TANGO6: variants seen among roughly 807,000 people sequenced by gnomAD.
The protein encoded by TANGO6 is transport and Golgi organization protein 6 homolog.
In TANGO6, 90 loss-of-function variants were observed where a neutral mutation model predicts 114.2. That is an observed-to-expected ratio of 0.79 (90% CI 0.66 to 0.94). TANGO6 has a LOEUF of 0.94. TANGO6 is among the 40% of genes least tolerant of loss of function. TANGO6 has a pLI of 0.00. For synonymous variants in TANGO6, 477 were observed against 509.8 expected, an observed-to-expected ratio of 0.94 and a Z score of 0.87; for missense variants, 1,274 against 1,315.3, an observed-to-expected ratio of 0.97 and a Z score of 0.49.
chr16:69,037,089 T>C (rs573156451), intron 16 of TANGO6, among the ~76,000 whole-genome samples: 19 of 144,532 alleles, frequency 1.3e-4, no homozygotes, highest in African/African-American at 4.7e-4. Flanking sequence ...TGAGCTGAGA[T>C]CGTGCTACTG....
In TANGO6 at chr16:68,864,234, T is replaced by C. The variant is rs140171562; in HGVS notation, c.852+1173T>C. 4.7e-3 allele frequency among the ~76,000 whole-genome samples: 708 copies of C among 151,832 alleles called. 5 individuals are homozygous for C. The highest frequency in any genetic ancestry group is 0.017 in the South Asian group (80 of 4,802). ...TTGATGATATAGATGGAATTGTCTG[T>C]TTGCTTTTAGTACCTACATTTTCGT... is the stretch of plus-strand genomic sequence containing the variant. On this transcript the variant is annotated intron_variant, in intron 3 of 17. Coordinates refer to ENST00000261778, the MANE Select transcript of TANGO6 (RefSeq NM_024562.2).
Position 68,856,378 on chromosome 16 carries a change from A to T in TANGO6, c.95-3506A>T, listed in dbSNP as rs555356206. On this transcript the variant is annotated intron_variant, in intron 1 of 17. Coordinates refer to ENST00000261778, the MANE Select transcript of TANGO6 (RefSeq NM_024562.2). ...GGGTTTTCTCCTTATACTGTTAATA[A>T]GATGAATCACACTGATTGAGTGTCA... Among the ~76,000 whole-genome samples, 32 of 152,380 alleles carry T rather than the reference A, an allele frequency of 2.1e-4. 1 individual carries two copies. The South Asian group carries it at 6.2e-3, about 30-fold the overall frequency.
intron 7 of TANGO6, among the ~76,000 whole-genome samples, chr16:68,895,340 C>G (rs1962690600): frequency 6.6e-6 from 1 of 152,102 alleles, no homozygotes; most frequent in Admixed American, 6.6e-5. Context: ...CAGAGCAAGA[C>G]TTTGTCTCAA....
At chr16:68,853,646 C>T (rs1216173443) in intron 1 of TANGO6, among the ~76,000 whole-genome samples, 3 of 152,024 alleles carry the variant, frequency 2.0e-5, no homozygotes, top group Non-Finnish European at 4.4e-5. Context: ...ATTAATTTTT[C>T]TTGGACAAGT....
intron 7 of TANGO6, among the ~76,000 whole-genome samples, chr16:68,891,125 C>T (rs547749676): frequency 1.3e-5 from 2 of 151,182 alleles, no homozygotes; most frequent in Non-Finnish European, 3.0e-5. Flanking sequence ...AACCCCATCT[C>T]TACTAAAAAT....
At chr16:68,856,333 G>T (rs890169462) in intron 1 of TANGO6, among the ~76,000 whole-genome samples, 1 of 152,104 alleles carries the variant, frequency 6.6e-6, no homozygotes, top group African/African-American at 2.4e-5. Context: ...CTTTTTCTGC[G>T]TTTGTTGAAA....
Position 68,867,213 on chromosome 16 carries a change from A to G in TANGO6, c.987A>G (p.Gly329=). 6.2e-7 allele frequency: 1 copy of G among 1,613,688 alleles called. No individual in the cohort carries two copies. The highest frequency in any genetic ancestry group is 8.5e-7 in the Non-Finnish European group (1 of 1,179,832). Residue 329 remains glycine, a synonymous_variant, in exon 4 of 18, where the codon GGA becomes GGG. Coordinates refer to ENST00000261778, the MANE Select transcript of TANGO6 (RefSeq NM_024562.2). ...VQAVVRGILE[G]AGAGAAGGSD... ...CAGTAGTCCGGGGCATTTTGGAAGG[A>G]GCAGGTGGTAAGAAATAAAATGTTG...
intron 17 of TANGO6, among the ~76,000 whole-genome samples, chr16:69,056,021 A>G (rs943084109): frequency 3.9e-5 from 6 of 152,052 alleles, no homozygotes; most frequent in African/African-American, 1.4e-4. Context: ...CCTGGGCAAC[A>G]AGAGCAAGAC....
chr16:69,018,854 G>A (rs887086937), intron 15 of TANGO6, among the ~76,000 whole-genome samples: 7 of 152,100 alleles, frequency 4.6e-5, no homozygotes, highest in African/African-American at 1.7e-4. Flanking sequence ...AGCTTGCAGT[G>A]AGCCAAGATC....
chr16:69,083,290 G>A (rs1382952163), intron 17 of TANGO6, among the ~76,000 whole-genome samples, 195 bp from the exon 18 acceptor site: 1 of 151,840 alleles, frequency 6.6e-6, no homozygotes, highest in African/African-American at 2.4e-5. Context: ...CAAACTCCTG[G>A]ACTCAAGTGA....
chr16:68,861,526 A>G (rs1962092599), intron 2 of TANGO6, among the ~76,000 whole-genome samples: 1 of 152,104 alleles, frequency 6.6e-6, no homozygotes, highest in Non-Finnish European at 1.5e-5. Flanking sequence ...GCGTATTGAC[A>G]CTTCTAGCAG....
intron 17 of TANGO6, among the ~76,000 whole-genome samples, chr16:69,043,993 T>G (rs1462033615): frequency 6.6e-6 from 1 of 152,216 alleles, no homozygotes; most frequent in Non-Finnish European, 1.5e-5. Context: ...AGGCAGTTTT[T>G]ACCTCTTTCC....
At chr16:68,969,779 G>A (rs1477454573) in intron 14 of TANGO6, among the ~76,000 whole-genome samples, 1 of 152,164 alleles carries the variant, frequency 6.6e-6, no homozygotes, top group African/African-American at 2.4e-5. Flanking sequence ...ACTGGCATGA[G>A]CATTAGAGGG....
At position 68,878,113 on chromosome 16, in the gene TANGO6, T is replaced by G. The variant is rs1486951919; in HGVS notation, c.1132-5T>G. 1 of 1,602,446 alleles carries G rather than the reference T, an allele frequency of 6.2e-7. No homozygotes were observed. Among genetic ancestry groups the G allele is most frequent in the South Asian group, 1.1e-5 (1 of 88,568 alleles). On this transcript the variant is annotated splice_polypyrimidine_tract_variant and splice_region_variant and intron_variant, in intron 5 of 17. Coordinates refer to ENST00000261778, the MANE Select transcript of TANGO6 (RefSeq NM_024562.2). ...TGGTATTTACTTCTTGTAGTTTTTT[T>G]GTAGGTTCTGGATTTATTTCACTTT...
At chr16:68,897,665 G>A (rs191705648) in intron 7 of TANGO6, among the ~76,000 whole-genome samples, 10 of 150,124 alleles carry the variant, frequency 6.7e-5, no homozygotes, top group South Asian at 4.2e-4. Context: ...TGCAACTTCC[G>A]CCTCCTGGGT....
At chr16:68,969,888 T>G (rs1388429345) in intron 14 of TANGO6, among the ~76,000 whole-genome samples, 2 of 152,080 alleles carry the variant, frequency 1.3e-5, no homozygotes, top group African/African-American at 4.8e-5. Flanking sequence ...TTCTTCTCCC[T>G]CCCTCTCAGG....
At position 68,923,800 on chromosome 16, in the gene TANGO6, ATTTGTTTTGT is replaced by A. The variant is rs145246572; in HGVS notation, c.2128-3734_2128-3725del. 6.1e-3 allele frequency among the ~76,000 whole-genome samples: 916 copies of A among 150,952 alleles called. 7 individuals are homozygous for A. The highest frequency in any genetic ancestry group is 0.017 in the African/African-American group (703 of 41,096). On this transcript the variant is annotated intron_variant, in intron 12 of 17. Transcript: ENST00000261778. Reference sequence around the variant, plus strand: ...GGTGATGTCTAATGAAGGAGGCATGATTTGTTTTGTTTTGTTTTGTTTTGTTTTGTTTTGT... The same window carrying A: ...GGTGATGTCTAATGAAGGAGGCATGATTTGTTTTGTTTTGTTTTGTTTTGT...
intron 15 of TANGO6, among the ~76,000 whole-genome samples, chr16:68,992,410 T>C (rs13335300): frequency 0.15 from 23,343 of 152,174 alleles, 2,553 homozygotes; most frequent in African/African-American, 0.3. Flanking sequence ...CTATTAAATA[T>C]CTGATAGGAT....
chr16:68,971,642 T>C (rs1400367435), intron 14 of TANGO6, among the ~76,000 whole-genome samples: 1 of 151,970 alleles, frequency 6.6e-6, no homozygotes, highest in Admixed American at 6.6e-5. Context: ...CTTTTTTTCT[T>C]TTTTTTGAGA....
Sources: gnomAD v4.1 joint callset for allele counts (sites outside exome capture counted in the v4.1 genomes callset) on GRCh38, gnomAD v4.1.1 for gene constraint, MANE v1.5 for transcripts, NCBI Gene and HGNC (gene_info 2026-07-23, HGNC 2026-07-21) for gene names.